SLC24A3: variants seen among roughly 807,000 people sequenced by gnomAD.
SLC24A3 encodes the protein sodium/potassium/calcium exchanger 3.
Under a neutral mutation model 75.8 loss-of-function variants are expected in SLC24A3, and 28 were observed. The ratio of observed to expected loss-of-function variants is 0.37; its 90% confidence interval spans 0.27 to 0.51. The LOEUF (loss-of-function observed/expected upper bound fraction) is 0.51. Ranked by LOEUF, SLC24A3 falls within the 20% of genes least tolerant of loss-of-function variation. SLC24A3 has a pLI of 0.94. For synonymous variants in SLC24A3, 372 were observed against 334.1 expected, an observed-to-expected ratio of 1.11 and a Z score of -1.24; for missense variants, 663 against 847.8, an observed-to-expected ratio of 0.78 and a Z score of 2.71.
At chr20:19,344,895 C>T (rs1985354370) in intron 2 of SLC24A3, among the ~76,000 whole-genome samples, 1 of 152,166 alleles carries the variant, frequency 6.6e-6, no homozygotes, top group Admixed American at 6.5e-5. Flanking sequence ...TGGTGAGAAA[C>T]TAGATACTTT....
chr20:19,654,075 C>G lies in SLC24A3; in HGVS notation c.626C>G (p.Ser209Cys). 1 of 1,613,438 alleles carries G rather than the reference C, an allele frequency of 6.2e-7. No homozygotes were observed. The highest frequency in any genetic ancestry group is 8.5e-7 in the Non-Finnish European group (1 of 1,179,486). Residue 209 changes from serine to cysteine, a missense_variant, in exon 7 of 17, where the codon TCC becomes TGC. Coordinates refer to ENST00000328041, the MANE Select transcript of SLC24A3 (RefSeq NM_020689.4). ...GLFAGQVVALSSWCLLRDSIY... is the reference protein window; with the variant it reads ...GLFAGQVVALCSWCLLRDSIY... ...CTTGTCCTGCAGGTTGTGGCTCTTT[C>G]CTCCTGGTGCCTGCTGAGGGATTCT...
At chr20:19,565,742 T>A (rs764720648) in intron 3 of SLC24A3, among the ~76,000 whole-genome samples, 20 of 152,260 alleles carry the variant, frequency 1.3e-4, no homozygotes, top group Middle Eastern at 3.4e-3. Context: ...AATGAATGAA[T>A]GGGATGGTGA....
chr20:19,260,227 A>G (rs1982939349), intron 1 of SLC24A3, among the ~76,000 whole-genome samples: 1 of 152,220 alleles, frequency 6.6e-6, no homozygotes, highest in African/African-American at 2.4e-5. Flanking sequence ...GTCTAGTCCT[A>G]TGCAGAGATA....
chr20:19,559,260 T>C (rs1201807286), intron 3 of SLC24A3, among the ~76,000 whole-genome samples: 2 of 152,230 alleles, frequency 1.3e-5, no homozygotes, highest in African/African-American at 4.8e-5. Context: ...TCATTATCTT[T>C]TTGGGTGAAG....
intron 2 of SLC24A3, among the ~76,000 whole-genome samples, chr20:19,379,988 C>T (rs1004824841): frequency 6.6e-6 from 1 of 152,100 alleles, no homozygotes; most frequent in African/African-American, 2.4e-5. Context: ...TGGCAAATAC[C>T]CTACTTGGTG....
chr20:19,476,832 C>T (rs1039174992), intron 2 of SLC24A3, among the ~76,000 whole-genome samples: 4 of 152,100 alleles, frequency 2.6e-5, no homozygotes, highest in Admixed American at 6.5e-5. Context: ...AGAGGAGGAA[C>T]GATAGCACAG....
At chr20:19,617,035 A>G (rs577553346) in intron 6 of SLC24A3, among the ~76,000 whole-genome samples, 1 of 152,238 alleles carries the variant, frequency 6.6e-6, no homozygotes, top group Admixed American at 6.5e-5. Flanking sequence ...CATGAGCTTT[A>G]CATTCCCTGG....
chr20:19,643,238 T>G (rs924088866), intron 6 of SLC24A3, among the ~76,000 whole-genome samples: 2 of 152,192 alleles, frequency 1.3e-5, no homozygotes, highest in Non-Finnish European at 2.9e-5. Context: ...TTTGGGGGGT[T>G]GGGAGGAGTC....
chr20:19,426,365 G>A (rs1267709855), intron 2 of SLC24A3, among the ~76,000 whole-genome samples: 1 of 152,174 alleles, frequency 6.6e-6, no homozygotes, highest in African/African-American at 2.4e-5. Context: ...CACTATGGGC[G>A]TACACTCAGA....
intron 2 of SLC24A3, among the ~76,000 whole-genome samples, chr20:19,451,493 G>A (rs73900161): frequency 0.01 from 1,590 of 152,290 alleles, 27 homozygotes; most frequent in African/African-American, 0.036. Flanking sequence ...CATTGCTGAC[G>A]ATAAGTCTGC....
intron 6 of SLC24A3, among the ~76,000 whole-genome samples, chr20:19,646,788 C>T (rs924467875): frequency 5.3e-5 from 8 of 151,380 alleles, no homozygotes; most frequent in African/African-American, 2.0e-4. Flanking sequence ...GTGGTGCCTG[C>T]TTTTGAGTCT....
intron 2 of SLC24A3, among the ~76,000 whole-genome samples, chr20:19,428,231 T>C (rs1987045511): frequency 6.6e-6 from 1 of 152,220 alleles, no homozygotes; most frequent in Non-Finnish European, 1.5e-5. Flanking sequence ...CAGCTTCTAC[T>C]TCTGTTACCT....
At chr20:19,542,839 A>G (rs1381715087) in intron 3 of SLC24A3, among the ~76,000 whole-genome samples, 1 of 152,156 alleles carries the variant, frequency 6.6e-6, no homozygotes, top group Non-Finnish European at 1.5e-5. Context: ...TTGTTTGGAC[A>G]TTTATCCAGA....
chr20:19,606,476 A>T (rs2031598914), intron 6 of SLC24A3, among the ~76,000 whole-genome samples: 1 of 152,150 alleles, frequency 6.6e-6, no homozygotes, highest in South Asian at 2.1e-4. Context: ...TTTGCAGGGG[A>T]TTTTAAGCTC....
At chr20:19,430,325 C>G (rs1568615785) in intron 2 of SLC24A3, among the ~76,000 whole-genome samples, 1 of 152,138 alleles carries the variant, frequency 6.6e-6, no homozygotes, top group African/African-American at 2.4e-5. Flanking sequence ...ACAGAGTTTT[C>G]CCTTGGCTCA....
At chr20:19,717,507 A>G (rs570893570) in intron 15 of SLC24A3, 21 bp from the exon 16 acceptor site, 54 of 1,613,242 alleles carry the variant, frequency 3.3e-5, no homozygotes, top group Admixed American at 6.7e-5. Context: ...TCAGAAGCCT[A>G]ACTCTAACCC....
At chr20:19,577,661 A>T (rs2031160125) in intron 3 of SLC24A3, among the ~76,000 whole-genome samples, 3 of 152,242 alleles carry the variant, frequency 2.0e-5, no homozygotes, top group Admixed American at 2.0e-4. Context: ...ACAAACTCTT[A>T]TATGCAAATA....
intron 2 of SLC24A3, among the ~76,000 whole-genome samples, chr20:19,395,992 A>G (rs1234900220): frequency 6.6e-6 from 1 of 152,180 alleles, no homozygotes; most frequent in African/African-American, 2.4e-5. Flanking sequence ...ATTGATTTTA[A>G]TAACAAGAAT....
chr20:19,331,539 G>A lies in SLC24A3; in HGVS notation c.271+50452G>A, dbSNP rs543341277. Among the ~76,000 whole-genome samples, 5 of 152,308 alleles carry A rather than the reference G, an allele frequency of 3.3e-5. No homozygotes were observed. In the East Asian group the frequency reaches 9.7e-4, roughly 29 times the overall value. Reference sequence around the variant, plus strand: ...AAAATGAGTACAATATTGACAATAGGTGAATCAGGGTAAAGTGTTTATGGG... The same window carrying A: ...AAAATGAGTACAATATTGACAATAGATGAATCAGGGTAAAGTGTTTATGGG... On this transcript the variant is annotated intron_variant, in intron 2 of 16. Transcript: ENST00000328041.
Sources: allele counts gnomAD v4.1 joint callset (sites outside exome capture counted in the v4.1 genomes callset), GRCh38; gene constraint gnomAD v4.1.1; transcripts MANE v1.5; gene names NCBI Gene and HGNC (gene_info 2026-07-23, HGNC 2026-07-21).